Variants in RPH3A observed in about 807,000 individuals in gnomAD.
RPH3A encodes the protein rabphilin-3A.
RPH3A carries 48 observed loss-of-function variants against 102.2 expected under a neutral mutation model. The observed-to-expected ratio is 0.47, with a 90% CI of 0.37 to 0.60. RPH3A has a LOEUF of 0.60. Among genes scored for constraint, RPH3A ranks in the 20% least tolerant of loss-of-function variants. RPH3A has a pLI of 0.00. For synonymous variants in RPH3A, 310 were observed against 324.3 expected (o/e 0.96, Z 0.47); for missense variants, 781 against 910.1 (o/e 0.86, Z 1.83).
chr12:112,873,276 A>G (rs995564900), intron 10 of RPH3A, among the ~76,000 whole-genome samples: 2 of 152,240 alleles, frequency 1.3e-5, no homozygotes, highest in African/African-American at 4.8e-5. Flanking sequence ...TTCACATAAT[A>G]GATGCAGCAA....
intron 1 of RPH3A, among the ~76,000 whole-genome samples, chr12:112,598,962 G>A (rs1008082377): frequency 1.3e-5 from 2 of 152,176 alleles, no homozygotes; most frequent in Non-Finnish European, 2.9e-5. Flanking sequence ...TTAGGTGTGA[G>A]GTTAATTGGT....
intron 14 of RPH3A, 73 bp from the exon 15 acceptor site, chr12:112,881,699 A>G (rs897126644): frequency 1.9e-6 from 2 of 1,049,694 alleles, no homozygotes; most frequent in African/African-American, 3.2e-5. Flanking sequence ...GCCAGGGGCT[A>G]TGCCCATTGC....
chr12:112,583,136 A>G (rs2039412435), intron 1 of RPH3A, among the ~76,000 whole-genome samples: 1 of 152,222 alleles, frequency 6.6e-6, no homozygotes, highest in Non-Finnish European at 1.5e-5. Flanking sequence ...ACTTGCCTGC[A>G]GCCTCACTTC....
chr12:112,897,811 G>A lies in RPH3A; in HGVS notation c.*1031G>A, dbSNP rs1020360454. 5 of 152,346 alleles carry A rather than the reference G, an allele frequency of 3.3e-5. No homozygotes were observed. The highest frequency in any genetic ancestry group is 1.2e-4 in the African/African-American group (5 of 41,568). The allele number at this position is 152,346 out of a possible 1,614,324, so 9.4% of individuals were successfully genotyped here. A position where few individuals can be genotyped will look rare whatever the true frequency, so the allele number is the denominator to read the frequency against. ...ATGGCTGGCACTGCCCTGAGTGCAT[G>A]GCAGCATCCCTCAAGCTGTGTAGAT... On this transcript the variant is annotated 3_prime_UTR_variant, in exon 22 of 22. Transcript: ENST00000389385.
At chr12:112,612,559 CTTTTTTT>C (rs1007489149) in intron 1 of RPH3A, among the ~76,000 whole-genome samples, 2 of 109,728 alleles carry the variant, frequency 1.8e-5, no homozygotes, top group Non-Finnish European at 3.6e-5. Flanking sequence ...GGAGTTTTGC[CTTTTTTT>C]TTTTTTTTTT....
At chr12:112,828,511 G>C in intron 3 of RPH3A, 122 bp downstream of exon 3, 1 of 697,286 alleles carries the variant, frequency 1.4e-6, no homozygotes, top group Admixed American at 3.0e-5. Context: ...GAACCTAATG[G>C]GAGTTTAGTC....
At chr12:112,801,637 G>A (rs142054407) in intron 2 of RPH3A, among the ~76,000 whole-genome samples, 21 of 152,254 alleles carry the variant, frequency 1.4e-4, no homozygotes, top group Middle Eastern at 3.4e-3. Context: ...TGTTATTCAC[G>A]GAGGACTCTT....
chr12:112,653,648 T>C (rs1316288958), intron 1 of RPH3A, among the ~76,000 whole-genome samples: 1 of 152,150 alleles, frequency 6.6e-6, no homozygotes, highest in Non-Finnish European at 1.5e-5. Flanking sequence ...AACCCTTTTA[T>C]TTTAGGTTCG....
At chr12:112,855,456 C>A (rs1359257948) in intron 5 of RPH3A, among the ~76,000 whole-genome samples, 1 of 152,208 alleles carries the variant, frequency 6.6e-6, no homozygotes, top group Non-Finnish European at 1.5e-5. Context: ...TCTCTCTTGG[C>A]TCCCTCGTCT....
chr12:112,653,504 C>T (rs1037452774), intron 1 of RPH3A, among the ~76,000 whole-genome samples: 1 of 152,042 alleles, frequency 6.6e-6, no homozygotes, highest in South Asian at 2.1e-4. Flanking sequence ...AATGCGAAGG[C>T]CTAGGACATT....
At chr12:112,846,711 C>G (rs773684944) in intron 4 of RPH3A, among the ~76,000 whole-genome samples, 9 of 152,170 alleles carry the variant, frequency 5.9e-5, no homozygotes, top group Non-Finnish European at 1.2e-4. Context: ...TGGTGTTTAC[C>G]CCTGCCTTCC....
chr12:112,810,938 T>G (rs1488089550), intron 2 of RPH3A, among the ~76,000 whole-genome samples: 1 of 150,976 alleles, frequency 6.6e-6, no homozygotes, highest in African/African-American at 2.4e-5. Flanking sequence ...TTGTTTTATA[T>G]ATAATACATA....
chr12:112,660,409 A>C (rs1278457766), intron 1 of RPH3A, among the ~76,000 whole-genome samples: 1 of 152,040 alleles, frequency 6.6e-6, no homozygotes, highest in East Asian at 1.9e-4. Flanking sequence ...TTTCTTGGCC[A>C]CACCCCCTGC....
intron 3 of RPH3A, among the ~76,000 whole-genome samples, chr12:112,828,772 T>G (rs1372922663): frequency 6.6e-6 from 1 of 152,246 alleles, no homozygotes; most frequent in Non-Finnish European, 1.5e-5. Flanking sequence ...GATCAGAGAT[T>G]ACAAACTGGC....
chr12:112,841,698 G>GT lies in RPH3A; in HGVS notation c.83+5203dup, dbSNP rs1228615333. ...TGAATCTAAAGCTTGAGTTTTTTTT[G>GT]TTTTTTTGGTTTTTTTTTTTTTTCC... On this transcript the variant is annotated intron_variant, in intron 4 of 21. Coordinates refer to ENST00000389385, the MANE Select transcript of RPH3A (RefSeq NM_001143854.2). Among the ~76,000 whole-genome samples the GT allele has an allele frequency of 7.3e-3, 827 of 112,866 alleles. 9 individuals carry two copies. The highest frequency in any genetic ancestry group is 0.029 in the African/African-American group (785 of 26,990). 74.0% of individuals were successfully genotyped at this position (112,866 alleles called of 152,430 possible). A position where few individuals can be genotyped will look rare whatever the true frequency, so the allele number is the denominator to read the frequency against.
chr12:112,748,352 G>T (rs2040762425), intron 1 of RPH3A, among the ~76,000 whole-genome samples: 1 of 151,012 alleles, frequency 6.6e-6, no homozygotes, highest in African/African-American at 2.4e-5. Context: ...GTTTTTTTTT[G>T]AGACAGCACC....
At chr12:112,874,584 C>T (rs2042762306) in intron 10 of RPH3A, among the ~76,000 whole-genome samples, 1 of 152,072 alleles carries the variant, frequency 6.6e-6, no homozygotes, top group Non-Finnish European at 1.5e-5. Flanking sequence ...GTCACACAGG[C>T]CATATGGGAA....
intron 4 of RPH3A, among the ~76,000 whole-genome samples, chr12:112,841,390 A>C (rs1170014467): frequency 6.6e-6 from 1 of 152,006 alleles, no homozygotes; most frequent in Non-Finnish European, 1.5e-5. Flanking sequence ...GAAGGGCAGG[A>C]TAGCATGGTG....
At chr12:112,768,827 A>C (rs936913141) in intron 1 of RPH3A, among the ~76,000 whole-genome samples, 1 of 152,116 alleles carries the variant, frequency 6.6e-6, no homozygotes, top group African/African-American at 2.4e-5. Context: ...AGGGAAGGTC[A>C]TTTGAGCCCA....
Sources: allele counts gnomAD v4.1 joint callset (sites outside exome capture counted in the v4.1 genomes callset), GRCh38; gene constraint gnomAD v4.1.1; transcripts MANE v1.5; gene names NCBI Gene and HGNC (gene_info 2026-07-23, HGNC 2026-07-21).